GALNT17: variants seen among roughly 807,000 people sequenced by gnomAD.
The protein encoded by GALNT17 is UDP-GalNAc:polypeptide N-acetylgalactosaminyltransferase-like 3.
Under a neutral mutation model 63.7 loss-of-function variants are expected in GALNT17, and 29 were observed. That is an observed-to-expected ratio of 0.46 (90% CI 0.34 to 0.62). The LOEUF (loss-of-function observed/expected upper bound fraction) is 0.62. Ranked by LOEUF, GALNT17 falls within the 20% of genes least tolerant of loss-of-function variation. GALNT17 has a pLI of 0.01. For missense variants in GALNT17, 603 were observed against 799.6 expected (o/e 0.75, Z 2.97); for synonymous variants, 305 against 318.3 (o/e 0.96, Z 0.45).
At chr7:71,474,295 T>C (rs947466611) in intron 5 of GALNT17, among the ~76,000 whole-genome samples, 2 of 152,208 alleles carry the variant, frequency 1.3e-5, no homozygotes, top group Non-Finnish European at 2.9e-5. Context: ...CAGCCTGTTT[T>C]ATCAGCAAAA....
At chr7:71,700,940 A>C (rs1791622344) in intron 9 of GALNT17, among the ~76,000 whole-genome samples, 1 of 152,214 alleles carries the variant, frequency 6.6e-6, no homozygotes, top group Non-Finnish European at 1.5e-5. Context: ...TCAAGCACCT[A>C]CTATATGCCA....
At chr7:71,378,969 T>A (rs1439399047) in intron 2 of GALNT17, among the ~76,000 whole-genome samples, 1 of 152,090 alleles carries the variant, frequency 6.6e-6, no homozygotes, top group Admixed American at 6.5e-5. Flanking sequence ...GCCGCTGCAC[T>A]CCAGCCTGGG....
chr7:71,373,280 A>T (rs1334678527), intron 2 of GALNT17, among the ~76,000 whole-genome samples: 1 of 152,164 alleles, frequency 6.6e-6, no homozygotes, highest in African/African-American at 2.4e-5. Context: ...AAGGAGAGAA[A>T]CAGGTTCTTT....
At chr7:71,360,892 C>T (rs533024318) in intron 2 of GALNT17, among the ~76,000 whole-genome samples, 1 of 152,158 alleles carries the variant, frequency 6.6e-6, no homozygotes, top group African/African-American at 2.4e-5. Flanking sequence ...GAGCCAAGGT[C>T]GTGGCACTAC....
chr7:71,191,815 A>G (rs931891331), intron 1 of GALNT17, among the ~76,000 whole-genome samples: 1 of 152,188 alleles, frequency 6.6e-6, no homozygotes, highest in Non-Finnish European at 1.5e-5. Flanking sequence ...ACTATGTCAT[A>G]GGATATGTAT....
At chr7:71,626,000 C>T (rs932986105) in intron 6 of GALNT17, among the ~76,000 whole-genome samples, 2 of 152,132 alleles carry the variant, frequency 1.3e-5, no homozygotes, top group Admixed American at 6.6e-5. Context: ...AATCCCAGCA[C>T]TTTAGGAGGC....
intron 1 of GALNT17, among the ~76,000 whole-genome samples, chr7:71,331,107 T>C (rs1049728639): frequency 1.3e-5 from 2 of 152,164 alleles, no homozygotes; most frequent in Non-Finnish European, 2.9e-5. Flanking sequence ...ATGGAACTCA[T>C]TGTCTTCTCA....
At chr7:71,579,495 T>C (rs1474302190) in intron 6 of GALNT17, among the ~76,000 whole-genome samples, 2 of 152,084 alleles carry the variant, frequency 1.3e-5, no homozygotes, top group East Asian at 3.9e-4. Context: ...TGTGGGAAAA[T>C]ATAGTAAGGA....
chr7:71,344,412 A>G (rs1792055276), intron 2 of GALNT17, among the ~76,000 whole-genome samples: 1 of 152,192 alleles, frequency 6.6e-6, no homozygotes, highest in African/African-American at 2.4e-5. Flanking sequence ...TAGTTTCCAG[A>G]TTGAATTGTG....
intron 5 of GALNT17, among the ~76,000 whole-genome samples, chr7:71,528,292 C>T (rs1441737286): frequency 1.3e-5 from 2 of 152,228 alleles, no homozygotes; most frequent in Admixed American, 6.5e-5. Context: ...CTGTGGGCTG[C>T]TCCCATCTGG....
At chr7:71,275,335 G>A (rs1466170750) in intron 1 of GALNT17, among the ~76,000 whole-genome samples, 1 of 152,190 alleles carries the variant, frequency 6.6e-6, no homozygotes, top group African/African-American at 2.4e-5. Context: ...GGAGGCTGAG[G>A]TGGGAGGATC....
At chr7:71,460,901 C>T (rs543330776) in intron 5 of GALNT17, among the ~76,000 whole-genome samples, 4 of 152,094 alleles carry the variant, frequency 2.6e-5, no homozygotes, top group Non-Finnish European at 5.9e-5. Context: ...GGGTTTTGGC[C>T]GGCTTCTTTA....
intron 5 of GALNT17, among the ~76,000 whole-genome samples, chr7:71,510,913 C>T (rs2116725150): frequency 6.6e-6 from 1 of 152,274 alleles, no homozygotes; most frequent in East Asian, 1.9e-4. Context: ...TGCCTCACAC[C>T]TGTAATCCTA....
chr7:71,145,654 C>T (rs1181373086), intron 1 of GALNT17, among the ~76,000 whole-genome samples: 1 of 152,158 alleles, frequency 6.6e-6, no homozygotes, highest in South Asian at 2.1e-4. Flanking sequence ...TTTCATTTCT[C>T]CCCTCTCTTC....
At chr7:71,347,624 G>C (rs987504337) in intron 2 of GALNT17, among the ~76,000 whole-genome samples, 2 of 136,016 alleles carry the variant, frequency 1.5e-5, no homozygotes, top group African/African-American at 2.6e-5. Flanking sequence ...GCATTTCCTT[G>C]TCCCCAAGCA....
chr7:71,615,753 C>T (rs1282956971), intron 6 of GALNT17, among the ~76,000 whole-genome samples: 1 of 152,162 alleles, frequency 6.6e-6, no homozygotes, highest in African/African-American at 2.4e-5. Flanking sequence ...GCTGGGATTA[C>T]AGGCGTGAGC....
At chr7:71,690,407 C>T (rs11766687) in intron 9 of GALNT17, among the ~76,000 whole-genome samples, 46,147 of 151,936 alleles carry the variant, frequency 0.3, 9,105 homozygotes, top group Middle Eastern at 0.44. Context: ...TATCACTGCT[C>T]ATTGATAATG....
At chr7:71,245,156 A>G (rs909508262) in intron 1 of GALNT17, among the ~76,000 whole-genome samples, 6 of 152,070 alleles carry the variant, frequency 3.9e-5, no homozygotes, top group Non-Finnish European at 5.9e-5. Flanking sequence ...TTTGGCACCC[A>G]TCTGCCCTCG....
At chr7:71,238,743 C>G (rs1290511686) in intron 1 of GALNT17, among the ~76,000 whole-genome samples, 1 of 152,150 alleles carries the variant, frequency 6.6e-6, no homozygotes, top group Non-Finnish European at 1.5e-5. Context: ...CCGTGGGGGT[C>G]TCCAGCATTT....
Sources: gnomAD v4.1 joint callset for allele counts (sites outside exome capture counted in the v4.1 genomes callset) on GRCh38, gnomAD v4.1.1 for gene constraint, MANE v1.5 for transcripts, NCBI Gene and HGNC (gene_info 2026-07-23, HGNC 2026-07-21) for gene names.